Variants in RAB21 observed in about 807,000 individuals in gnomAD.
RAB21 encodes RAB21, member RAS oncogene family, also known as ras-related protein Rab-21.
A neutral mutation model predicts 33.1 loss-of-function variants in RAB21; 13 were observed. The observed-to-expected ratio is 0.39, with a 90% CI of 0.26 to 0.62. The LOEUF (loss-of-function observed/expected upper bound fraction) is 0.62. RAB21 is among the 20% of genes least tolerant of loss of function. The probability of loss-of-function intolerance (pLI) is 0.48; values close to 1 mark genes in which losing one functional copy is unlikely to be tolerated. For synonymous variants in RAB21, 91 were observed against 103.7 expected, an observed-to-expected ratio of 0.88 and a Z score of 0.74; for missense variants, 234 against 279.1, an observed-to-expected ratio of 0.84 and a Z score of 1.15.
rs1883401070 is a variant in RAB21 at position 71,792,498 on chromosome 12, A to G, written c.*6825A>G. ...TGCACTGTCAAGACTATAGCTTAGC[A>G]TATGTGTGCTATGACACAAGGTTAA... On this transcript the variant is annotated 3_prime_UTR_variant, in exon 7 of 7. Coordinates refer to ENST00000261263, the MANE Select transcript of RAB21 (RefSeq NM_014999.4). 1 of 152,236 alleles carries G rather than the reference A, an allele frequency of 6.6e-6. No individual in the cohort carries two copies. Among genetic ancestry groups the G allele is most frequent in the Admixed American group, 6.5e-5 (1 of 15,286 alleles). The allele number at this position is 152,236 out of a possible 1,614,324, so 9.4% of individuals were successfully genotyped here.
rs1439500687 is a variant in RAB21 at position 71,793,531 on chromosome 12, C to T, written c.*7858C>T. ...GAGCGAAATCATCCGTTTAAACACACACACACAAACTATCCCATTAGTTGG... is the reference window on the plus strand; with the variant it reads ...GAGCGAAATCATCCGTTTAAACACATACACACAAACTATCCCATTAGTTGG... On this transcript the variant is annotated 3_prime_UTR_variant, in exon 7 of 7. Coordinates refer to ENST00000261263, the MANE Select transcript of RAB21 (RefSeq NM_014999.4). The T allele has an allele frequency of 6.6e-6, 1 of 152,214 alleles. No homozygotes were observed. The highest frequency in any genetic ancestry group is 1.5e-5 in the Non-Finnish European group (1 of 68,040). 9.4% of individuals were successfully genotyped at this position (152,214 alleles called of 1,614,324 possible). A position where few individuals can be genotyped will look rare whatever the true frequency, so the allele number is the denominator to read the frequency against.
rs1248532984 is a variant in RAB21, at chr12:71,791,774, A to G, written c.*6101A>G. The G allele has an allele frequency of 2.0e-5, 3 of 152,058 alleles. No homozygotes were observed. Among genetic ancestry groups the G allele is most frequent in the African/African-American group, 2.4e-5 (1 of 41,376 alleles). 9.4% of individuals were successfully genotyped at this position (152,058 alleles called of 1,614,324 possible). A position where few individuals can be genotyped will look rare whatever the true frequency, so the allele number is the denominator to read the frequency against. On this transcript the variant is annotated 3_prime_UTR_variant, in exon 7 of 7. Coordinates refer to ENST00000261263, the MANE Select transcript of RAB21 (RefSeq NM_014999.4). ...TTATATTTATATTTGGCCTTTGTAAATTTTCCATTCCCTGAATGGAACTTC... is the reference window on the plus strand; with the variant it reads ...TTATATTTATATTTGGCCTTTGTAAGTTTTCCATTCCCTGAATGGAACTTC...
intron 4 of RAB21, among the ~76,000 whole-genome samples, chr12:71,775,847 TA>T (rs1883112029): frequency 6.6e-6 from 1 of 151,362 alleles, no homozygotes; most frequent in Non-Finnish European, 1.5e-5. Context: ...GAATTTTTTT[TA>T]ACTTGAGTTT....
chr12:71,780,440 C>T (rs553212263), intron 4 of RAB21, among the ~76,000 whole-genome samples: 22 of 152,288 alleles, frequency 1.4e-4, no homozygotes, highest in African/African-American at 4.8e-4. Context: ...CAGAATAACA[C>T]GACGGTTTTT....
At chr12:71,779,219 G>A (rs1883163079) in intron 4 of RAB21, among the ~76,000 whole-genome samples, 1 of 152,108 alleles carries the variant, frequency 6.6e-6, no homozygotes, top group Non-Finnish European at 1.5e-5. Context: ...GAGCATTTAG[G>A]GAGACCAAGG....
At position 71,791,837 on chromosome 12, in the gene RAB21, A is replaced by G. The variant is rs747823144; in HGVS notation, c.*6164A>G. On this transcript the variant is annotated 3_prime_UTR_variant, in exon 7 of 7. Coordinates refer to ENST00000261263, the MANE Select transcript of RAB21 (RefSeq NM_014999.4). ...AATTCCACCCTCAACTGACCAATTT[A>G]CCAAGGCCAACTAGAATCATACTTC... 6.6e-6 allele frequency: 1 copy of G among 152,170 alleles called. No individual in the cohort carries two copies. The highest frequency in any genetic ancestry group is 1.5e-5 in the Non-Finnish European group (1 of 68,036). 9.4% of individuals were successfully genotyped at this position (152,170 alleles called of 1,614,324 possible).
At chr12:71,772,754 G>C (rs944366906) in intron 3 of RAB21, among the ~76,000 whole-genome samples, 2 of 152,138 alleles carry the variant, frequency 1.3e-5, no homozygotes, top group Admixed American at 1.3e-4. Context: ...TAAAGTGGAA[G>C]TTAAATGCTT....
Position 71,773,949 on chromosome 12 carries a change from G to C in RAB21, c.328-10G>C. On this transcript the variant is annotated splice_polypyrimidine_tract_variant and intron_variant, in intron 3 of 6. Transcript: ENST00000261263. ...GATTTGTTTTAATATGTGCTCTTTT[G>C]TATATACAGGTAAAAAACTGGGTCA... is the stretch of plus-strand genomic sequence containing the variant. 3 of 1,572,280 alleles carry C rather than the reference G, an allele frequency of 1.9e-6. 1 individual carries two copies. The South Asian group carries it at 3.5e-5, about 18-fold the overall frequency.
chr12:71,778,984 T>C (rs1288159564), intron 4 of RAB21, among the ~76,000 whole-genome samples: 2 of 152,320 alleles, frequency 1.3e-5, no homozygotes. Context: ...TACAACAATA[T>C]TGACTTTCCA....
chr12:71,765,231 G>A (rs753445963), intron 1 of RAB21, among the ~76,000 whole-genome samples: 17 of 152,216 alleles, frequency 1.1e-4, no homozygotes, highest in Middle Eastern at 3.4e-3. Context: ...TTCTTCATAC[G>A]TTTGTTGGCT....
At chr12:71,772,164 G>A (rs1883052884) in intron 3 of RAB21, among the ~76,000 whole-genome samples, 1 of 152,206 alleles carries the variant, frequency 6.6e-6, no homozygotes. Flanking sequence ...ACTGAACTGG[G>A]AGTTTGGCTG....
At position 71,794,190 on chromosome 12, in the gene RAB21, C is replaced by T. The variant is rs1433686912; in HGVS notation, c.*8517C>T. On this transcript the variant is annotated 3_prime_UTR_variant, in exon 7 of 7. Coordinates refer to ENST00000261263, the MANE Select transcript of RAB21 (RefSeq NM_014999.4). Reference sequence around the variant, plus strand: ...TGAGCTGAGGTCGCACCACTGCACTCCAGCCTGGACGACAGAGTGAGGCCC... The same window carrying T: ...TGAGCTGAGGTCGCACCACTGCACTTCAGCCTGGACGACAGAGTGAGGCCC... The T allele has an allele frequency of 1.3e-5, 2 of 151,038 alleles. No individual in the cohort carries two copies. The highest frequency in any genetic ancestry group is 4.9e-5 in the African/African-American group (2 of 40,980). The allele number at this position is 151,038 out of a possible 1,614,324, so 9.4% of individuals were successfully genotyped here. A position where few individuals can be genotyped will look rare whatever the true frequency, so the allele number is the denominator to read the frequency against.
At chr12:71,770,810 T>G (rs1192721322) in intron 3 of RAB21, 111 bp downstream of exon 3, 1 of 736,270 alleles carries the variant, frequency 1.4e-6, no homozygotes. Context: ...AAATAAAGTA[T>G]ATAATTTGTG....
intron 4 of RAB21, among the ~76,000 whole-genome samples, chr12:71,777,679 T>G (rs1883141509): frequency 6.6e-6 from 1 of 152,242 alleles, no homozygotes; most frequent in South Asian, 2.1e-4. Flanking sequence ...TGAAGACTAC[T>G]TAAACGGCTC....
chr12:71,787,575 C>T lies in RAB21; in HGVS notation c.*1902C>T, dbSNP rs545752678. ...TTTTTAAGTTAATAACTTAAACCTT[C>T]TCAAATGGGTTAAAAGTTGAATGAA... is the stretch of plus-strand genomic sequence containing the variant. On this transcript the variant is annotated 3_prime_UTR_variant, in exon 7 of 7. Coordinates refer to ENST00000261263, the MANE Select transcript of RAB21 (RefSeq NM_014999.4). 6.6e-6 allele frequency: 1 copy of T among 152,260 alleles called. No individual in the cohort carries two copies. Among genetic ancestry groups the T allele is most frequent in the South Asian group, 2.1e-4 (1 of 4,824 alleles). 9.4% of individuals were successfully genotyped at this position (152,260 alleles called of 1,614,324 possible).
chr12:71,781,490 A>G (rs1384151010), intron 4 of RAB21, among the ~76,000 whole-genome samples: 4 of 151,924 alleles, frequency 2.6e-5, no homozygotes, highest in South Asian at 2.1e-4. Flanking sequence ...AAGAGAATAC[A>G]GTTTTTCCCC....
At position 71,799,728 on chromosome 12, in the gene RAB21, A is replaced by G. The variant is rs1883513122; in HGVS notation, c.*14055A>G. 6.6e-6 allele frequency: 1 copy of G among 152,202 alleles called. No individual in the cohort carries two copies. The highest frequency in any genetic ancestry group is 1.5e-5 in the Non-Finnish European group (1 of 68,030). 9.4% of individuals were successfully genotyped at this position (152,202 alleles called of 1,614,324 possible). A position where few individuals can be genotyped will look rare whatever the true frequency, so the allele number is the denominator to read the frequency against. On this transcript the variant is annotated 3_prime_UTR_variant, in exon 7 of 7. Coordinates refer to ENST00000261263, the MANE Select transcript of RAB21 (RefSeq NM_014999.4). ...GGGCAGAACAGTCTGTATACTGTAT[A>G]TTTTAAAATTGAACAAGTATAGTAG...
chr12:71,785,416 A>G (rs981377078), intron 6 of RAB21, 115 bp from the exon 7 acceptor site: 2 of 1,186,944 alleles, frequency 1.7e-6, no homozygotes, highest in Non-Finnish European at 2.4e-6. Flanking sequence ...CATTATATTT[A>G]GTTTCTTTGT....
rs1330514077 is a variant in RAB21 at position 71,790,749 on chromosome 12, G to A, written c.*5076G>A. The A allele has an allele frequency of 6.6e-6, 1 of 151,964 alleles. No homozygotes were observed. Among genetic ancestry groups the A allele is most frequent in the African/African-American group, 2.4e-5 (1 of 41,408 alleles). The allele number at this position is 151,964 out of a possible 1,614,324, so 9.4% of individuals were successfully genotyped here. A position where few individuals can be genotyped will look rare whatever the true frequency, so the allele number is the denominator to read the frequency against. On this transcript the variant is annotated 3_prime_UTR_variant, in exon 7 of 7. Transcript: ENST00000261263. ...TGGGTTTTAAATTTTCACATAAATT[G>A]TGTCTTACCCATGTGTTTTGCCATT...
Sources: allele counts gnomAD v4.1 joint callset (sites outside exome capture counted in the v4.1 genomes callset), GRCh38; gene constraint gnomAD v4.1.1; transcripts MANE v1.5; gene names NCBI Gene and HGNC (gene_info 2026-07-23, HGNC 2026-07-21).